The following TMEM74B variants were observed in gnomAD, a reference collection of about 807,000 sequenced individuals.
TMEM74B encodes the protein transmembrane protein C20orf46.
Under a neutral mutation model 6.5 loss-of-function variants are expected in TMEM74B, and 7 were observed. That is an observed-to-expected ratio of 1.07 (90% CI 0.61 to 2.01). TMEM74B has a LOEUF of 2.01. Among genes scored for constraint, TMEM74B ranks in the 30% most tolerant of loss-of-function variants. The pLI is 0.00. For synonymous variants in TMEM74B, 151 were observed against 151.6 expected, an observed-to-expected ratio of 1.00 and a Z score of 0.03; for missense variants, 342 against 337.0, an observed-to-expected ratio of 1.01 and a Z score of -0.12.
In TMEM74B at chr20:1,181,699, G is replaced by C; in HGVS notation, c.32-112C>G. ...TGAGTCAGGCACAATTCCCACTTGGGGGTGTCTGCCAGACAGAGGGGAAGA... is the reference window on the plus strand; with the variant it reads ...TGAGTCAGGCACAATTCCCACTTGGCGGTGTCTGCCAGACAGAGGGGAAGA... On this transcript the variant is annotated intron_variant, in intron 2 of 2. Transcript: ENST00000429036. The surrounding 1 kb of genome is among the most constrained non-coding windows in gnomAD (Gnocchi z 4.9). 1 of 1,244,904 alleles carries C rather than the reference G, an allele frequency of 8.0e-7. No homozygotes were observed. Among genetic ancestry groups the C allele is most frequent in the Non-Finnish European group, 1.0e-6 (1 of 959,498 alleles). 77.1% of individuals were successfully genotyped at this position (1,244,904 alleles called of 1,614,324 possible). A position where few individuals can be genotyped will look rare whatever the true frequency, so the allele number is the denominator to read the frequency against.
At position 1,181,137 on chromosome 20, in the gene TMEM74B, C is replaced by T. The variant is rs780228168; in HGVS notation, c.482G>A (p.Arg161Gln). 4.3e-5 allele frequency: 70 copies of T among 1,613,978 alleles called. No homozygotes were observed. Among genetic ancestry groups the T allele is most frequent in the South Asian group, 9.9e-5 (9 of 91,070 alleles). The change falls in exon 3 of 3, where the codon CGA becomes CAA. Residue 161 changes from arginine (R) to glutamine (Q), a missense_variant. Physicochemically the swap from Arg to Gln is conservative, Grantham distance 43. Coordinates refer to ENST00000429036, the MANE Select transcript of TMEM74B (RefSeq NM_001304748.2). The surrounding 1 kb of genome is among the most constrained non-coding windows in gnomAD (Gnocchi z 4.9). Reference protein sequence around the residue: ...PDTVTAREMERLEMYYARLGS... With the variant: ...PDTVTAREMEQLEMYYARLGS... ...TAGGCGGGCGTAGTACATCTCCAGT[C>T]GTTCCATCTCCCGCGCTGTCACTGT...
upstream of TMEM74B, among the ~76,000 whole-genome samples, chr20:1,188,050 T>C (rs2087040685): frequency 6.6e-6 from 1 of 152,048 alleles, no homozygotes; most frequent in African/African-American, 2.4e-5. Context: ...GAGGCTAGAA[T>C]GATCCATGTG....
upstream of TMEM74B, among the ~76,000 whole-genome samples, chr20:1,187,390 G>A (rs1487564660): frequency 6.6e-6 from 1 of 152,180 alleles, no homozygotes; most frequent in African/African-American, 2.4e-5. Flanking sequence ...CTCTGGATAA[G>A]TGCTCACTGA....
At chr20:1,183,619 G>T in intron 2 of TMEM74B, 152 bp downstream of exon 2, 1 of 807,208 alleles carries the variant, frequency 1.2e-6, no homozygotes, top group Non-Finnish European at 2.0e-6. Flanking sequence ...GACACTTCAT[G>T]CAGGAGTATC....
rs200447444 is a variant in TMEM74B, at chr20:1,181,414, G to C, written c.205C>G (p.His69Asp). 1.2e-5 allele frequency: 18 copies of C among 1,526,878 alleles called. No individual in the cohort carries two copies. The highest frequency in any genetic ancestry group is 2.1e-5 in the Admixed American group (1 of 47,126). The allele number at this position is 1,526,878 out of a possible 1,614,324, so 94.6% of individuals were successfully genotyped here. ...CCAGGGTTCTGGAAATGGGTCTCAT[G>C]CTCCTCTGAGGAGAAGCAGGCATTC... ...VENACFSSEE[H>D]ETHFQNPGNT... is the part of the protein sequence containing the mutation. The change falls in exon 3 of 3, where the codon CAT becomes GAT. Residue 69 changes from histidine (H) to aspartate (D), a missense_variant. Physicochemically the swap from His to Asp is moderately conservative, Grantham distance 81. Coordinates refer to ENST00000429036, the MANE Select transcript of TMEM74B (RefSeq NM_001304748.2). The surrounding 1 kb of genome is among the most constrained non-coding windows in gnomAD (Gnocchi z 4.9).
intron 2 of TMEM74B, among the ~76,000 whole-genome samples, chr20:1,183,306 G>GTGTGTGTT (rs1422385187): frequency 8.8e-4 from 133 of 151,012 alleles, no homozygotes; most frequent in African/African-American, 3.0e-3. Flanking sequence ...GTGTGTGTGT[G>GTGTGTGTT]TGTGTGTGTT....
rs1333880418 is a variant in TMEM74B at position 1,181,621 on chromosome 20, G to C, written c.32-34C>G. On this transcript the variant is annotated intron_variant, in intron 2 of 2. Transcript: ENST00000429036. This position sits in a 1 kb window ranked among gnomAD's most constrained non-coding sequence, Gnocchi z 4.9. Reference sequence around the variant, plus strand: ...GAAAAAAGAAAGTCAGTTGAATGTAGCAACCTCTCCCTGTTGTGGAGGACA... The same window carrying C: ...GAAAAAAGAAAGTCAGTTGAATGTACCAACCTCTCCCTGTTGTGGAGGACA... The C allele has an allele frequency of 1.4e-6, 2 of 1,450,014 alleles. No homozygotes were observed. The highest frequency in any genetic ancestry group is 2.9e-5 in the African/African-American group (2 of 69,916). 89.8% of individuals were successfully genotyped at this position (1,450,014 alleles called of 1,614,324 possible).
chr20:1,189,139 T>C (rs1221570149), upstream of TMEM74B: 1 of 152,190 alleles, frequency 6.6e-6, no homozygotes, highest in Non-Finnish European at 1.5e-5. The surrounding 1 kb of genome is among the most constrained non-coding windows in gnomAD (Gnocchi z 4.5). Flanking sequence ...AATGGCACTT[T>C]ACCTCTGTTG....
rs945166753 is a variant in TMEM74B at position 1,180,631 on chromosome 20, C to T, written c.*217G>A. ...GCCATCCTCCAAACAAAACCGTATGCAAAACCTCAGCTACAAAACAGATCA... is the reference window on the plus strand; with the variant it reads ...GCCATCCTCCAAACAAAACCGTATGTAAAACCTCAGCTACAAAACAGATCA... On this transcript the variant is annotated 3_prime_UTR_variant, in exon 3 of 3. Coordinates refer to ENST00000429036, the MANE Select transcript of TMEM74B (RefSeq NM_001304748.2). The surrounding 1 kb of genome is among the most constrained non-coding windows in gnomAD (Gnocchi z 6.1). The T allele has an allele frequency of 1.4e-5, 7 of 500,390 alleles. No individual in the cohort carries two copies. Among genetic ancestry groups the T allele is most frequent in the African/African-American group, 1.2e-4 (6 of 50,652 alleles). The allele number at this position is 500,390 out of a possible 1,614,324, so 31.0% of individuals were successfully genotyped here.
Position 1,184,161 on chromosome 20 carries a change from T to C in TMEM74B, c.-148+141A>G, listed in dbSNP as rs768759293. The C allele has an allele frequency of 1.4e-5, 3 of 213,366 alleles. No individual in the cohort carries two copies. The highest frequency in any genetic ancestry group is 2.3e-5 in the African/African-American group (1 of 42,962). The allele number at this position is 213,366 out of a possible 1,614,324, so 13.2% of individuals were successfully genotyped here. A position where few individuals can be genotyped will look rare whatever the true frequency, so the allele number is the denominator to read the frequency against. ...CAGGAACCCCTTTCCCAGACTGATA[T>C]ATTGATGCCTCCACACCCTGGAAGA... is the stretch of plus-strand genomic sequence containing the variant. On this transcript the variant is annotated intron_variant, in intron 1 of 2. Coordinates refer to ENST00000429036, the MANE Select transcript of TMEM74B (RefSeq NM_001304748.2). This position sits in a 1 kb window ranked among gnomAD's most constrained non-coding sequence, Gnocchi z 6.0.
At chr20:1,185,719 G>A (rs1250208298), upstream of TMEM74B, among the ~76,000 whole-genome samples, 1 of 152,054 alleles carries the variant, frequency 6.6e-6, no homozygotes, top group Non-Finnish European at 1.5e-5. Flanking sequence ...GGCGGGCGGG[G>A]GCTGCTGAAG....
chr20:1,182,527 G>GGATGGCGTGGCTAAAACAGGTTGA (rs1555769304), intron 2 of TMEM74B, among the ~76,000 whole-genome samples: 3 of 152,052 alleles, frequency 2.0e-5, no homozygotes, highest in Non-Finnish European at 2.9e-5. Flanking sequence ...CAGCAGGTTG[G>GGATGGCGTGGCTAAAACAGGTTGA]GGATGGCATG....
chr20:1,182,970 G>A (rs572236617), intron 2 of TMEM74B, among the ~76,000 whole-genome samples: 2 of 152,330 alleles, frequency 1.3e-5, no homozygotes, highest in Admixed American at 1.3e-4. Flanking sequence ...CCGTTCCCTT[G>A]TAACACTCGC....
rs887761126 is a variant in TMEM74B, at chr20:1,181,954, T to C, written c.32-367A>G. ...CAAAGTTAGCGATGAGTTCCTATTA[T>C]ACTGGAGGGAATGTAGGTAGTGTGA... On this transcript the variant is annotated intron_variant, in intron 2 of 2. Transcript: ENST00000429036. This position sits in a 1 kb window ranked among gnomAD's most constrained non-coding sequence, Gnocchi z 4.9. Among the ~76,000 whole-genome samples, 2 of 152,218 alleles carry C rather than the reference T, an allele frequency of 1.3e-5. No individual in the cohort carries two copies. The highest frequency in any genetic ancestry group is 6.5e-5 in the Admixed American group (1 of 15,276).
Position 1,184,716 on chromosome 20 carries a change from C to A in TMEM74B, c.-562G>T, listed in dbSNP as rs2086971781. On this transcript the variant is annotated 5_prime_UTR_variant, in exon 1 of 3. Transcript: ENST00000429036. This position sits in a 1 kb window ranked among gnomAD's most constrained non-coding sequence, Gnocchi z 6.0. Reference sequence around the variant, plus strand: ...ACCAAGACCCGCAGGGGCCCAATACCCCACCCGCCGCGCGCACTGACACCC... The same window carrying A: ...ACCAAGACCCGCAGGGGCCCAATACACCACCCGCCGCGCGCACTGACACCC... 1 of 152,476 alleles carries A rather than the reference C, an allele frequency of 6.6e-6. No individual in the cohort carries two copies. Among genetic ancestry groups the A allele is most frequent in the South Asian group, 2.1e-4 (1 of 4,834 alleles). The allele number at this position is 152,476 out of a possible 1,614,324, so 9.4% of individuals were successfully genotyped here.
At position 1,180,783 on chromosome 20, in the gene TMEM74B, GGCGGGA is replaced by G; in HGVS notation, c.*59_*64del. 2 of 1,513,768 alleles carry G rather than the reference GGCGGGA, an allele frequency of 1.3e-6. No homozygotes were observed. Among genetic ancestry groups the G allele is most frequent in the South Asian group, 2.7e-5 (2 of 75,004 alleles). 93.8% of individuals were successfully genotyped at this position (1,513,768 alleles called of 1,614,324 possible). On this transcript the variant is annotated 3_prime_UTR_variant, in exon 3 of 3. Coordinates refer to ENST00000429036, the MANE Select transcript of TMEM74B (RefSeq NM_001304748.2). The surrounding 1 kb of genome is among the most constrained non-coding windows in gnomAD (Gnocchi z 6.1). ...CCAGGGCCTTGGCAGGGGTCAGGTG[GGCGGGA>G]GCAGGGGGTGGACCTTGTAGCACTG...
upstream of TMEM74B, among the ~76,000 whole-genome samples, chr20:1,187,836 A>T (rs2087039246): frequency 1.3e-5 from 2 of 152,230 alleles, no homozygotes; most frequent in Admixed American, 1.3e-4. Context: ...GTCACTGCAG[A>T]GCCTTACAGG....
rs142365258 is a variant in TMEM74B at position 1,181,332 on chromosome 20, C to A, written c.287G>T (p.Arg96Leu). The A allele has an allele frequency of 2.5e-6, 4 of 1,593,116 alleles. No individual in the cohort carries two copies. In the Admixed American group the frequency reaches 5.1e-5, roughly 20 times the overall value. The change falls in exon 3 of 3, where the codon CGA (arginine) becomes CTA (leucine). Residue 96 changes from arginine (R) to leucine (L), a missense_variant. Physicochemically the swap from Arg to Leu is moderately radical, Grantham distance 102. Transcript: ENST00000429036. This position sits in a 1 kb window ranked among gnomAD's most constrained non-coding sequence, Gnocchi z 4.9. Reference protein sequence around the residue: ...SPPGGVSSLPRSQRDDLSLHS... With the variant: ...SPPGGVSSLPLSQRDDLSLHS... ...AAGGGACAGATCATCCCGCTGGGAT[C>A]GGGGCAGTGAGGAGACACCCCCAGG...
rs554768580 is a variant in TMEM74B, at chr20:1,182,099, T to C, written c.32-512A>G. On this transcript the variant is annotated intron_variant, in intron 2 of 2. Transcript: ENST00000429036. ...GAATAAAATGCCTCCCTCATAAGGT[T>C]GTTGTGAGGATTTCATAAAATAGTG... is the stretch of plus-strand genomic sequence containing the variant. Among the ~76,000 whole-genome samples, 3 of 151,170 alleles carry C rather than the reference T, an allele frequency of 2.0e-5. No homozygotes were observed. In the East Asian group the frequency reaches 5.8e-4, roughly 29 times the overall value.
Sources: allele counts gnomAD v4.1 joint callset (sites outside exome capture counted in the v4.1 genomes callset), GRCh38; gene constraint gnomAD v4.1.1; non-coding constraint Gnocchi (gnomAD v3.1); transcripts MANE v1.5; gene names NCBI Gene and HGNC (gene_info 2026-07-23, HGNC 2026-07-21).